GHRHR: variants seen among roughly 807,000 people sequenced by gnomAD.
The protein encoded by GHRHR is growth hormone-releasing hormone receptor.
GHRHR carries 40 observed loss-of-function variants against 58.3 expected under a neutral mutation model. That is an observed-to-expected ratio of 0.69 (90% CI 0.53 to 0.89). GHRHR has a LOEUF of 0.89. Ranked by LOEUF, GHRHR falls within the 40% of genes least tolerant of loss-of-function variation. The probability of loss-of-function intolerance (pLI) is 0.00; values close to 1 mark genes in which losing one functional copy is unlikely to be tolerated. For synonymous variants in GHRHR, 249 were observed against 216.6 expected (o/e 1.15, Z -1.31); for missense variants, 551 against 541.3 (o/e 1.02, Z -0.18).
In GHRHR at chr7:30,971,165, G is replaced by A; in HGVS notation, c.413G>A (p.Ser138Asn). The A allele has an allele frequency of 2.6e-6, 4 of 1,535,022 alleles. No individual in the cohort carries two copies. The highest frequency in any genetic ancestry group is 3.5e-6 in the Non-Finnish European group (4 of 1,128,776). Reference protein sequence around the residue: ...TVKIIYTVGHSISIVALFVAI... With the variant: ...TVKIIYTVGHNISIVALFVAI... ...AAGATTATCTACACCGTGGGCCATA[G>A]CATCTCTATTGTAGCCCTCTTCGTG... The change falls in exon 5 of 13, where the codon AGC (serine) becomes AAC (asparagine). Residue 138 changes from serine to asparagine, a missense_variant. By Grantham distance (46) the Ser-to-Asn change is conservative. Coordinates refer to ENST00000326139, the MANE Select transcript of GHRHR (RefSeq NM_000823.4).
intron 12 of GHRHR, among the ~76,000 whole-genome samples, chr7:30,977,737 A>G (rs1246782496): frequency 6.6e-6 from 1 of 152,194 alleles, no homozygotes; most frequent in African/African-American, 2.4e-5. Flanking sequence ...TCAGAGGTAA[A>G]CATACAGGGA....
chr7:30,975,828 G>C lies in GHRHR; in HGVS notation c.934G>C (p.Glu312Gln). 1.2e-6 allele frequency: 2 copies of C among 1,612,510 alleles called. No homozygotes were observed. The highest frequency in any genetic ancestry group is 1.7e-6 in the Non-Finnish European group (2 of 1,178,536). ...NIIRILVRKLEPAQGSLHTQS... is the reference protein window; with the variant it reads ...NIIRILVRKLQPAQGSLHTQS... ...TATCCGCATCCTGGTGAGGAAACTG[G>C]AGCCAGCTCAGGGCAGCCTCCATAC... is the stretch of plus-strand genomic sequence containing the variant. Residue 312 changes from glutamate to glutamine, a missense_variant, in exon 10 of 13, where the codon GAG becomes CAG. Coordinates refer to ENST00000326139, the MANE Select transcript of GHRHR (RefSeq NM_000823.4).
intron 1 of GHRHR, among the ~76,000 whole-genome samples, chr7:30,968,125 A>T (rs1012347167): frequency 1.7e-4 from 26 of 152,122 alleles, no homozygotes; most frequent in Non-Finnish European, 3.2e-4. Context: ...CATCAGGCCT[A>T]CTCAGATAAT....
At chr7:30,977,166 A>C (rs1424861382) in intron 11 of GHRHR, 115 bp from the exon 12 acceptor site, 2 of 950,660 alleles carry the variant, frequency 2.1e-6, no homozygotes, top group Non-Finnish European at 3.5e-6. Context: ...TTTCAATCAA[A>C]CCTGGCCCAA....
chr7:30,969,481 G>A, intron 3 of GHRHR: 1 of 594,144 alleles, frequency 1.7e-6, no homozygotes, highest in South Asian at 2.0e-5. Flanking sequence ...TGACTGCCAA[G>A]ACACCACCAA....
At chr7:30,977,363 C>T in intron 12 of GHRHR, 41 bp downstream of exon 12, 1 of 1,574,216 alleles carries the variant, frequency 6.4e-7, no homozygotes, top group Admixed American at 1.7e-5. Flanking sequence ...AGTCCCCCTC[C>T]CACCAGACCT....
Position 30,969,115 on chromosome 7 carries a change from C to A in GHRHR, c.213C>A (p.Gly71=), listed in dbSNP as rs768112214. 6.3e-7 allele frequency: 1 copy of A among 1,579,396 alleles called. No individual in the cohort carries two copies. Among genetic ancestry groups the A allele is most frequent in the Non-Finnish European group, 8.6e-7 (1 of 1,162,610 alleles). Reference sequence around the variant, plus strand: ...TGTGCTGGCCAACGGCAGGCTCTGGCGAGTGGGTCACCCTCCCCTGCCCGG... The same window carrying A: ...TGTGCTGGCCAACGGCAGGCTCTGGAGAGTGGGTCACCCTCCCCTGCCCGG... ...GLLCWPTAGS[G]EWVTLPCPDF... The change falls in exon 3 of 13, where the codon GGC becomes GGA. Residue 71 remains glycine (G), a synonymous_variant. Transcript: ENST00000326139.
chr7:30,966,096 C>T (rs756970004), intron 1 of GHRHR, among the ~76,000 whole-genome samples: 8 of 152,172 alleles, frequency 5.3e-5, no homozygotes, highest in Admixed American at 2.0e-4. Context: ...GTCAGCAGGG[C>T]GGGACAGGAG....
rs1188388113 is a variant in GHRHR at position 30,971,047 on chromosome 7, C to T, written c.367-72C>T. On this transcript the variant is annotated intron_variant, in intron 4 of 12. Coordinates refer to ENST00000326139, the MANE Select transcript of GHRHR (RefSeq NM_000823.4). ...GGTGGAATGGCAAAGGCTTCACCTGCTTGATTGTCAAGCCTCTCTTTCCTC... is the reference window on the plus strand; with the variant it reads ...GGTGGAATGGCAAAGGCTTCACCTGTTTGATTGTCAAGCCTCTCTTTCCTC... The T allele has an allele frequency of 5.3e-6, 4 of 748,232 alleles. No individual in the cohort carries two copies. The African/African-American group carries it at 6.9e-5, about 13-fold the overall frequency. 46.3% of individuals were successfully genotyped at this position (748,232 alleles called of 1,614,324 possible).
chr7:30,974,091 C>T lies in GHRHR; in HGVS notation c.704C>T (p.Ser235Phe). ...CTGAACTGCCTCCTGGCCTCCACCT[C>T]CCCCAGCTCAAGGAGAGCCTTCTGG... ...VYLNCLLAST[S>F]PSSRRAFWWL... Residue 235 changes from serine to phenylalanine, a missense_variant, in exon 7 of 13, where the codon TCC (serine) becomes TTC (phenylalanine). Physicochemically the swap from Ser to Phe is radical, Grantham distance 155 (BLOSUM62 -2). Transcript: ENST00000326139. 1 of 1,614,058 alleles carries T rather than the reference C, an allele frequency of 6.2e-7. No individual in the cohort carries two copies.
chr7:30,976,624 G>A (rs1284005004), intron 11 of GHRHR, 66 bp downstream of exon 11: 7 of 1,440,064 alleles, frequency 4.9e-6, no homozygotes, highest in South Asian at 2.4e-5. Context: ...TGTTGCCCAC[G>A]GGCCTTGGCT....
At chr7:30,965,035 C>G (rs1003162975) in intron 1 of GHRHR, among the ~76,000 whole-genome samples, 48 of 152,160 alleles carry the variant, frequency 3.2e-4, no homozygotes, top group African/African-American at 9.9e-4. Flanking sequence ...GTGTGAACTG[C>G]AAGTTCCTCA....
At chr7:30,972,204 G>A in intron 6 of GHRHR, 109 bp downstream of exon 6, 1 of 1,196,010 alleles carries the variant, frequency 8.4e-7, no homozygotes, top group South Asian at 1.3e-5. Context: ...TGACCCTGGG[G>A]CTCCCGCATG....
chr7:30,971,956 C>T lies in GHRHR; in HGVS notation c.465-7C>T, dbSNP rs1213302547. 6.2e-7 allele frequency: 1 copy of T among 1,613,452 alleles called. No individual in the cohort carries two copies. The highest frequency in any genetic ancestry group is 8.5e-7 in the Non-Finnish European group (1 of 1,179,512). ...TTCTTGTTCCTCATTTCTCCCATTA[C>T]CCCCAGGAGGCTCCACTGCCCCCGG... is the stretch of plus-strand genomic sequence containing the variant. On this transcript the variant is annotated splice_polypyrimidine_tract_variant and splice_region_variant and intron_variant, in intron 5 of 12. Coordinates refer to ENST00000326139, the MANE Select transcript of GHRHR (RefSeq NM_000823.4).
At chr7:30,964,521 T>A (rs1330673867) in intron 1 of GHRHR, among the ~76,000 whole-genome samples, 1 of 152,212 alleles carries the variant, frequency 6.6e-6, no homozygotes, top group Non-Finnish European at 1.5e-5. Flanking sequence ...TTCTCTCAGC[T>A]GTGCACCTGT....
At chr7:30,969,698 C>A in intron 3 of GHRHR, 169 bp from the exon 4 acceptor site, 1 of 721,828 alleles carries the variant, frequency 1.4e-6, no homozygotes, top group South Asian at 1.5e-5. Flanking sequence ...ATAGTGTGTC[C>A]CTGGGCAGGC....
chr7:30,965,709 T>C (rs1226883785), intron 1 of GHRHR, among the ~76,000 whole-genome samples: 1 of 152,192 alleles, frequency 6.6e-6, no homozygotes. Flanking sequence ...CCCTGAAAAG[T>C]TTCCCAGGCA....
At chr7:30,975,926 G>GT in intron 10 of GHRHR, 58 bp downstream of exon 10, 1 of 956,314 alleles carries the variant, frequency 1.0e-6, no homozygotes, top group East Asian at 2.4e-5. Context: ...GGGATTCAAT[G>GT]TGTCTGTCTC....
chr7:30,972,253 A>G (rs529279985), intron 6 of GHRHR, 158 bp downstream of exon 6: 1 of 714,236 alleles, frequency 1.4e-6, no homozygotes, highest in East Asian at 2.7e-5. Context: ...TTCCCATGTC[A>G]CCCCCTAAGT....
Sources: gnomAD v4.1 joint callset for allele counts (sites outside exome capture counted in the v4.1 genomes callset) on GRCh38, gnomAD v4.1.1 for gene constraint, MANE v1.5 for transcripts, NCBI Gene and HGNC (gene_info 2026-07-23, HGNC 2026-07-21) for gene names.